The following NR6A1 variants were observed in gnomAD, a reference collection of about 807,000 sequenced individuals.
The protein encoded by NR6A1 is retinoic acid receptor-related testis-associated receptor.
NR6A1 carries 7 observed loss-of-function variants against 59.1 expected under a neutral mutation model. That is an observed-to-expected ratio of 0.12 (90% CI 0.07 to 0.22). The LOEUF (loss-of-function observed/expected upper bound fraction) is 0.22, where lower values mean the gene tolerates loss of function less well. NR6A1 is among the 10% of genes least tolerant of loss of function. The pLI is 1.00. For synonymous variants in NR6A1, 243 were observed against 236.1 expected (o/e 1.03, Z -0.27); for missense variants, 468 against 611.6 (o/e 0.77, Z 2.48).
At chr9:124,727,698 T>C (rs1266307321) in intron 2 of NR6A1, among the ~76,000 whole-genome samples, 1 of 149,036 alleles carries the variant, frequency 6.7e-6, no homozygotes, top group Non-Finnish European at 1.5e-5. Flanking sequence ...TATTTATTTA[T>C]TTTTAATACA....
chr9:124,749,187 G>A (rs1271793199), intron 1 of NR6A1, among the ~76,000 whole-genome samples: 2 of 151,430 alleles, frequency 1.3e-5, no homozygotes, highest in Non-Finnish European at 2.9e-5. Flanking sequence ...ACTTGAACCC[G>A]AGAGGCGGAG....
rs577240400 is a variant in NR6A1, at chr9:124,640,561, G to C, written c.143-85991C>G. On this transcript the variant is annotated intron_variant, in intron 2 of 9. Coordinates refer to ENST00000487099, the MANE Select transcript of NR6A1 (RefSeq NM_033334.4). ...GCTACAGGAGTATGCCACTATGCCT[G>C]ACTACTTTTAAAATTTTTTGTAGCC... Among the ~76,000 whole-genome samples the C allele has an allele frequency of 1.2e-3, 178 of 152,066 alleles. 1 individual carries two copies. Among genetic ancestry groups the C allele is most frequent in the African/African-American group, 3.9e-3 (162 of 41,490 alleles).
At chr9:124,611,758 A>AGG (rs1835752158) in intron 2 of NR6A1, among the ~76,000 whole-genome samples, 1 of 101,438 alleles carries the variant, frequency 9.9e-6, no homozygotes, top group Non-Finnish European at 1.9e-5. Flanking sequence ...TTAGAGAGAG[A>AGG]GAGAGAGAGA....
At chr9:124,531,903 T>C (rs1833112036) in intron 7 of NR6A1, among the ~76,000 whole-genome samples, 1 of 152,210 alleles carries the variant, frequency 6.6e-6, no homozygotes, top group Non-Finnish European at 1.5e-5. Flanking sequence ...TGTTCCCTTT[T>C]ACGTGGGCTA....
In NR6A1 at chr9:124,706,596, C is replaced by G. The variant is rs533918728; in HGVS notation, c.142+26712G>C. 1.4e-4 allele frequency among the ~76,000 whole-genome samples: 22 copies of G among 152,204 alleles called. No homozygotes were observed. The East Asian group carries it at 3.9e-3, about 27-fold the overall frequency. ...GCGCAATCTTGGCTCATTGCAACCT[C>G]CAATTCCCTGGTTCAAGCGATTCTC... is the stretch of plus-strand genomic sequence containing the variant. On this transcript the variant is annotated intron_variant, in intron 2 of 9. Transcript: ENST00000487099.
chr9:124,637,207 T>C (rs571684611), intron 2 of NR6A1, among the ~76,000 whole-genome samples: 1 of 152,178 alleles, frequency 6.6e-6, no homozygotes, highest in African/African-American at 2.4e-5. Context: ...CACAGTAGCA[T>C]GTACAAAGAC....
intron 6 of NR6A1, 73 bp downstream of exon 6, chr9:124,538,019 C>T: frequency 1.6e-6 from 2 of 1,273,830 alleles, no homozygotes; most frequent in Non-Finnish European, 2.2e-6. Context: ...GTATAGGAGC[C>T]AGGGACGCGA....
At chr9:124,740,563 C>T (rs1840147772) in intron 1 of NR6A1, among the ~76,000 whole-genome samples, 1 of 152,152 alleles carries the variant, frequency 6.6e-6, no homozygotes, top group Non-Finnish European at 1.5e-5. Context: ...CTTCTATGCT[C>T]CCACAGGTTC....
chr9:124,553,574 T>C (rs1272816471), intron 3 of NR6A1, among the ~76,000 whole-genome samples: 4 of 128,240 alleles, frequency 3.1e-5, no homozygotes, highest in African/African-American at 1.0e-4. Flanking sequence ...TTTTTTTTTT[T>C]CGTTTTTTTC....
intron 8 of NR6A1, among the ~76,000 whole-genome samples, 198 bp downstream of exon 8, chr9:124,526,581 A>G (rs1457539158): frequency 6.6e-6 from 1 of 152,094 alleles, no homozygotes; most frequent in Non-Finnish European, 1.5e-5. Flanking sequence ...AAAAATCCAA[A>G]GCATTCTCGC....
chr9:124,718,905 C>A (rs1401126934), intron 2 of NR6A1, among the ~76,000 whole-genome samples: 3 of 147,958 alleles, frequency 2.0e-5, no homozygotes, highest in Non-Finnish European at 4.5e-5. Context: ...GCCTCCACCT[C>A]CTGGGCTCAA....
At chr9:124,621,720 TAA>T (rs1023173061) in intron 2 of NR6A1, among the ~76,000 whole-genome samples, 1 of 152,160 alleles carries the variant, frequency 6.6e-6, no homozygotes, top group Non-Finnish European at 1.5e-5. Flanking sequence ...GCAAATTTTT[TAA>T]AAGTTTAATT....
chr9:124,571,913 T>C (rs1307615095), intron 2 of NR6A1, among the ~76,000 whole-genome samples: 1 of 151,948 alleles, frequency 6.6e-6, no homozygotes, highest in East Asian at 1.9e-4. Context: ...GAGTTTCTCT[T>C]ACTTACCATA....
chr9:124,641,665 C>T (rs1836770297), intron 2 of NR6A1, among the ~76,000 whole-genome samples: 1 of 152,142 alleles, frequency 6.6e-6, no homozygotes, highest in Non-Finnish European at 1.5e-5. Context: ...CCAGCCTGTG[C>T]AACACAGTGA....
At chr9:124,571,063 C>A (rs578165341) in intron 2 of NR6A1, among the ~76,000 whole-genome samples, 2 of 151,980 alleles carry the variant, frequency 1.3e-5, no homozygotes, top group Non-Finnish European at 2.9e-5. Context: ...TAGCAAGAGA[C>A]GATGTAGTGG....
chr9:124,717,268 C>A (rs534614190), intron 2 of NR6A1, among the ~76,000 whole-genome samples: 34 of 152,234 alleles, frequency 2.2e-4, no homozygotes, highest in African/African-American at 8.2e-4. Flanking sequence ...AAACACAGGT[C>A]CATAAAAACC....
chr9:124,642,353 T>A (rs1366485704), intron 2 of NR6A1, among the ~76,000 whole-genome samples: 2 of 152,214 alleles, frequency 1.3e-5, no homozygotes, highest in African/African-American at 4.8e-5. Context: ...CCCAGAAACT[T>A]TGTCTTTTAT....
chr9:124,698,087 AACTGTG>A (rs1838825105), intron 2 of NR6A1, among the ~76,000 whole-genome samples: 1 of 152,204 alleles, frequency 6.6e-6, no homozygotes, highest in South Asian at 2.1e-4. Context: ...AGACGTTAAC[AACTGTG>A]ATCTCAAAGT....
chr9:124,573,865 T>C (rs935769561), intron 2 of NR6A1, among the ~76,000 whole-genome samples: 2 of 152,236 alleles, frequency 1.3e-5, no homozygotes, highest in African/African-American at 2.4e-5. Flanking sequence ...GGTATATACA[T>C]GGATAAAACT....
Sources: gnomAD v4.1 joint callset for allele counts (sites outside exome capture counted in the v4.1 genomes callset) on GRCh38, gnomAD v4.1.1 for gene constraint, MANE v1.5 for transcripts, NCBI Gene and HGNC (gene_info 2026-07-23, HGNC 2026-07-21) for gene names.